Variants in LTBP2 observed in about 807,000 individuals in gnomAD.
The protein encoded by LTBP2 is latent-transforming growth factor beta-binding protein 2.
LTBP2 carries 103 observed loss-of-function variants against 210.6 expected under a neutral mutation model. The observed-to-expected ratio is 0.49, with a 90% CI of 0.42 to 0.58. The LOEUF is 0.58. Ranked by LOEUF, LTBP2 falls within the 20% of genes least tolerant of loss-of-function variation. The pLI is 0.00. For missense variants in LTBP2, 2,313 were observed against 2,494.5 expected (o/e 0.93, Z 1.55); for synonymous variants, 1,007 against 1,015.0 (o/e 0.99, Z 0.15).
intron 15 of LTBP2, 81 bp from the exon 16 acceptor site, chr14:74,522,999 T>C: frequency 6.5e-7 from 1 of 1,543,388 alleles, no homozygotes; most frequent in Non-Finnish European, 8.8e-7. Flanking sequence ...GGACAGTCAG[T>C]GGCCAGGGTC....
At chr14:74,599,453 G>C (rs1248897321) in intron 2 of LTBP2, among the ~76,000 whole-genome samples, 1 of 152,342 alleles carries the variant, frequency 6.6e-6, no homozygotes, top group African/African-American at 2.4e-5. Flanking sequence ...GGGAAGAATG[G>C]ACAGTCTTCC....
chr14:74,509,051 G>C, intron 22 of LTBP2, 99 bp from the exon 23 acceptor site: 1 of 1,584,882 alleles, frequency 6.3e-7, no homozygotes, highest in South Asian at 1.1e-5. Context: ...CCTGCCTGCA[G>C]AGCTGGACCC....
intron 17 of LTBP2, 61 bp from the exon 18 acceptor site, chr14:74,517,002 G>T (rs1004836837): frequency 1.3e-5 from 20 of 1,540,376 alleles, no homozygotes; most frequent in Non-Finnish European, 1.7e-5. Flanking sequence ...GGAGGGGGCG[G>T]GGTCCTGGAG....
At position 74,586,251 on chromosome 14, in the gene LTBP2, C is replaced by T; in HGVS notation, c.566-133G>A. The T allele has an allele frequency of 1.0e-6, 1 of 982,134 alleles. No homozygotes were observed. Among genetic ancestry groups the T allele is most frequent in the Non-Finnish European group, 1.5e-6 (1 of 669,534 alleles). 60.8% of individuals were successfully genotyped at this position (982,134 alleles called of 1,614,324 possible). A position where few individuals can be genotyped will look rare whatever the true frequency, so the allele number is the denominator to read the frequency against. On this transcript the variant is annotated intron_variant, in intron 2 of 35. Transcript: ENST00000261978. This position sits in a 1 kb window ranked among gnomAD's most constrained non-coding sequence, Gnocchi z 4.6. ...CTCAAGCAGGAAGCCACTCTCCTGG[C>T]CTCAGGGGGCTCCCTGACCCATGTC...
chr14:74,530,853 G>C (rs955325716), intron 10 of LTBP2, among the ~76,000 whole-genome samples: 1 of 152,192 alleles, frequency 6.6e-6, no homozygotes, highest in Non-Finnish European at 1.5e-5. Context: ...TTTGAGTTTG[G>C]TTTCTGTCAC....
At chr14:74,524,421 G>C (rs1290936393) in intron 15 of LTBP2, among the ~76,000 whole-genome samples, 3 of 151,994 alleles carry the variant, frequency 2.0e-5, no homozygotes, top group African/African-American at 4.8e-5. Flanking sequence ...CCCAACACAA[G>C]GTGACTGGGT....
At chr14:74,542,191 C>T (rs1034084705) in intron 8 of LTBP2, among the ~76,000 whole-genome samples, 1 of 152,188 alleles carries the variant, frequency 6.6e-6, no homozygotes, top group African/African-American at 2.4e-5. Context: ...GTAAGGACAT[C>T]GGGACATATG....
At position 74,528,618 on chromosome 14, in the gene LTBP2, C is replaced by T. The variant is rs1374859131; in HGVS notation, c.2233G>A (p.Glu745Lys). 9 of 1,613,494 alleles carry T rather than the reference C, an allele frequency of 5.6e-6. No individual in the cohort carries two copies. Among genetic ancestry groups the T allele is most frequent in the Admixed American group, 5.0e-5 (3 of 60,012 alleles). Reference sequence around the variant, plus strand: ...GGGGGCCTTGCCAGTTCCTCCTCCTCGGCTTTCCTCATGGACAGGCGGATG... The same window carrying T: ...GGGGGCCTTGCCAGTTCCTCCTCCTTGGCTTTCCTCATGGACAGGCGGATG... ...SDIRLSMRKAEEEELARPPRE... is the reference protein window; with the variant it reads ...SDIRLSMRKAKEEELARPPRE... The change falls in exon 12 of 36, where the codon GAG (glutamate) becomes AAG (lysine). Residue 745 changes from glutamate to lysine, a missense_variant. Glu to Lys is a moderately conservative substitution (Grantham distance 56). This residue lies in a region of LTBP2 where 1,867 missense variants were observed against 1,976.9 expected (regional missense o/e 0.94). Transcript: ENST00000261978.
At chr14:74,611,306 G>T in intron 1 of LTBP2, 145 bp downstream of exon 1, 1 of 895,120 alleles carries the variant, frequency 1.1e-6, no homozygotes, top group Non-Finnish European at 1.5e-6. Flanking sequence ...TCCCGATTTT[G>T]GAACCTCGGG....
chr14:74,555,878 GC>G (rs2087722637), intron 3 of LTBP2, among the ~76,000 whole-genome samples, 185 bp from the exon 4 acceptor site: 1 of 152,226 alleles, frequency 6.6e-6, no homozygotes, highest in South Asian at 2.1e-4. Flanking sequence ...TCTAAGGCCT[GC>G]CGGCTAGTTT....
At chr14:74,598,611 A>T (rs979603647) in intron 2 of LTBP2, among the ~76,000 whole-genome samples, 3 of 152,124 alleles carry the variant, frequency 2.0e-5, no homozygotes, top group Non-Finnish European at 2.9e-5. Flanking sequence ...TGAGCTAAAC[A>T]TCTGACCTAA....
intron 3 of LTBP2, among the ~76,000 whole-genome samples, chr14:74,558,998 G>T (rs542803667): frequency 6.6e-6 from 1 of 152,306 alleles, no homozygotes; most frequent in East Asian, 1.9e-4. Context: ...CATAGGGCTG[G>T]TGTGAGGATG....
At chr14:74,506,608 G>A (rs2086988475) in intron 27 of LTBP2, 90 bp downstream of exon 27, 2 of 1,583,492 alleles carry the variant, frequency 1.3e-6, no homozygotes, top group Middle Eastern at 2.1e-4. Context: ...GACCCGTGAT[G>A]GAGCCACGTG....
Position 74,555,709 on chromosome 14 carries a change from C to T in LTBP2, c.831-16G>A, listed in dbSNP as rs138301437. ...ACTCAGGGTCCTGTGGAGACAACCG[C>T]GGCACGGGGGTTTGCACCCTGGGAA... On this transcript the variant is annotated splice_polypyrimidine_tract_variant and intron_variant, in intron 3 of 35. Coordinates refer to ENST00000261978, the MANE Select transcript of LTBP2 (RefSeq NM_000428.3). The T allele has an allele frequency of 8.5e-5, 127 of 1,496,810 alleles. No individual in the cohort carries two copies. The East Asian group carries it at 2.6e-3, about 31-fold the overall frequency. 92.7% of individuals were successfully genotyped at this position (1,496,810 alleles called of 1,614,324 possible).
chr14:74,554,405 G>A (rs1385498609), intron 4 of LTBP2, among the ~76,000 whole-genome samples: 2 of 152,066 alleles, frequency 1.3e-5, no homozygotes, highest in Non-Finnish European at 2.9e-5. Flanking sequence ...AGTCTGAGGT[G>A]AGAGGATCAC....
In LTBP2 at chr14:74,499,293, T is replaced by C. The variant is rs2086885246; in HGVS notation, c.*1591A>G. On this transcript the variant is annotated 3_prime_UTR_variant, in exon 36 of 36. Transcript: ENST00000261978. ...TTTTGTCTGCTGAAAACATCTCAAT[T>C]AGTATAGGGACCTAGAGCAAATTAT... 4.6e-6 allele frequency: 1 copy of C among 219,284 alleles called. No homozygotes were observed. The highest frequency in any genetic ancestry group is 1.9e-4 in the South Asian group (1 of 5,404). 13.6% of individuals were successfully genotyped at this position (219,284 alleles called of 1,614,324 possible). A position where few individuals can be genotyped will look rare whatever the true frequency, so the allele number is the denominator to read the frequency against.
chr14:74,509,832 G>A lies in LTBP2; in HGVS notation c.3179C>T (p.Ser1060Leu). ...GTTGAGGCAGAGGCCTGTGGGGCAT[G>A]AGGCCCGGCTGGCACACTCATCCAC... The part of the protein sequence containing the change: ...QDVDECASRA[S>L]CPTGLCLNTE... Residue 1060 changes from serine (S) to leucine (L), a missense_variant, in exon 21 of 36, where the codon TCA becomes TTA. Physicochemically the swap from Ser to Leu is moderately radical, Grantham distance 145. Transcript: ENST00000261978. 6.2e-7 allele frequency: 1 copy of A among 1,614,044 alleles called. No individual in the cohort carries two copies. Among genetic ancestry groups the A allele is most frequent in the Non-Finnish European group, 8.5e-7 (1 of 1,180,032 alleles).
chr14:74,555,050 G>A (rs2087711519), intron 4 of LTBP2, among the ~76,000 whole-genome samples: 1 of 152,038 alleles, frequency 6.6e-6, no homozygotes, highest in Non-Finnish European at 1.5e-5. Context: ...GGGAGGGGTT[G>A]TCAGGCAATA....
rs370987753 is a variant in LTBP2, at chr14:74,501,606, C to T, written c.5171-16G>A. The T allele has an allele frequency of 3.1e-4, 501 of 1,613,758 alleles. 8 individuals are homozygous for T. In the South Asian group the frequency reaches 4.7e-3, roughly 15 times the overall value. On this transcript the variant is annotated splice_polypyrimidine_tract_variant and intron_variant, in intron 34 of 35. Coordinates refer to ENST00000261978, the MANE Select transcript of LTBP2 (RefSeq NM_000428.3). The stretch of plus-strand genomic sequence containing the variant: ...GCTGGGGGCTCTGGGAGGAGGAAAT[C>T]GGAGAGAGGAGGAGGCTGAGGGCTG...
Sources: allele counts gnomAD v4.1 joint callset (sites outside exome capture counted in the v4.1 genomes callset), GRCh38; gene constraint gnomAD v4.1.1; regional missense constraint gnomAD v4.1.1; non-coding constraint Gnocchi (gnomAD v3.1); transcripts MANE v1.5; gene names NCBI Gene and HGNC (gene_info 2026-07-23, HGNC 2026-07-21).